Variants in C1orf87 observed in about 807,000 individuals in gnomAD.
C1orf87 encodes chromosome 1 open reading frame 87, also known as uncharacterized protein C1orf87.
Under a neutral mutation model 60.5 loss-of-function variants are expected in C1orf87, and 58 were observed. That is an observed-to-expected ratio of 0.96 (90% CI 0.78 to 1.19). C1orf87 has a LOEUF of 1.19. Ranked by LOEUF, C1orf87 falls within the 50% of genes most tolerant of loss-of-function variation. The pLI is 0.00. For missense variants in C1orf87, 673 were observed against 638.6 expected (o/e 1.05, Z -0.58); for synonymous variants, 236 against 227.4 (o/e 1.04, Z -0.34).
At chr1:60,025,742 A>G (rs888113802) in intron 7 of C1orf87, among the ~76,000 whole-genome samples, 2 of 152,174 alleles carry the variant, frequency 1.3e-5, no homozygotes, top group Non-Finnish European at 2.9e-5. Flanking sequence ...ATATTTCATT[A>G]CTCAGAAGTC....
rs759924782 is a variant in C1orf87, at chr1:60,003,447, T to A, written c.1193-2291A>T. Among the ~76,000 whole-genome samples the A allele has an allele frequency of 7.2e-5, 11 of 152,104 alleles. No individual in the cohort carries two copies. In the East Asian group the frequency reaches 1.4e-3, roughly 19 times the overall value. ...GTAACTAACCTGCACAATGTGCACA[T>A]GTACCCTAAAACTTAAAAGTATAAT... On this transcript the variant is annotated intron_variant, in intron 9 of 11. Transcript: ENST00000371201.
rs1261317422 is a variant in C1orf87, at chr1:60,055,401, T to C, written c.145A>G (p.Met49Val). 1.2e-6 allele frequency: 2 copies of C among 1,614,058 alleles called. No individual in the cohort carries two copies. Among genetic ancestry groups the C allele is most frequent in the African/African-American group, 2.7e-5 (2 of 74,940 alleles). The stretch of plus-strand genomic sequence containing the variant: ...TTATCAGTCATTGGTTTCTGGTGCA[T>C]TGTTTGGGTTTCTGTTTTCAAGCTG... ...NDSLKTETQT[M>V]HQKPMTDNAR... Residue 49 changes from methionine to valine, a missense_variant, in exon 3 of 12, where the codon ATG becomes GTG. Met to Val is a conservative substitution (Grantham distance 21). Transcript: ENST00000371201.
chr1:60,036,234 G>T (rs1022460700), intron 6 of C1orf87, among the ~76,000 whole-genome samples: 1 of 152,140 alleles, frequency 6.6e-6, no homozygotes, highest in Non-Finnish European at 1.5e-5. Flanking sequence ...GCCCAGCAAA[G>T]TAAGCCTGAC....
At chr1:60,042,290 A>G (rs1269491360) in intron 3 of C1orf87, among the ~76,000 whole-genome samples, 1 of 152,074 alleles carries the variant, frequency 6.6e-6, no homozygotes, top group Non-Finnish European at 1.5e-5. Context: ...GCTGGAGTGC[A>G]GTGGCAAGAT....
chr1:60,038,906 G>A (rs1186508037), intron 5 of C1orf87, among the ~76,000 whole-genome samples: 1 of 152,120 alleles, frequency 6.6e-6, no homozygotes, highest in Non-Finnish European at 1.5e-5. Flanking sequence ...AGTGGGAGAG[G>A]GAAGCTAGAT....
intron 8 of C1orf87, among the ~76,000 whole-genome samples, chr1:60,019,069 A>T (rs1645143636): frequency 6.6e-6 from 1 of 152,210 alleles, no homozygotes; most frequent in East Asian, 1.9e-4. Context: ...CTGTGTACCT[A>T]TCATGTGCCA....
intron 2 of C1orf87, among the ~76,000 whole-genome samples, chr1:60,067,798 A>G (rs1645558385): frequency 2.6e-5 from 4 of 152,000 alleles, no homozygotes; most frequent in Admixed American, 1.3e-4. Flanking sequence ...GTCTTTGCCT[A>G]TGCCTCTGTT....
intron 8 of C1orf87, among the ~76,000 whole-genome samples, chr1:60,011,802 A>T (rs1469126241): frequency 1.8e-4 from 27 of 152,126 alleles, no homozygotes; most frequent in Admixed American, 1.8e-3. Context: ...TTTCCTATAT[A>T]TGACATAACA....
intron 8 of C1orf87, among the ~76,000 whole-genome samples, chr1:60,023,251 A>T (rs1201360239): frequency 6.6e-6 from 1 of 152,034 alleles, no homozygotes; most frequent in Non-Finnish European, 1.5e-5. Flanking sequence ...ATTTGAAAAA[A>T]ATGGCAGCTA....
chr1:60,055,495 G>T (rs377646445), intron 2 of C1orf87, 57 bp from the exon 3 acceptor site: 23 of 1,460,818 alleles, frequency 1.6e-5, no homozygotes, highest in Non-Finnish European at 2.1e-5. Flanking sequence ...CATACACTAG[G>T]CTGGCATAAG....
At chr1:59,995,157 G>T (rs1644954687) in intron 11 of C1orf87, among the ~76,000 whole-genome samples, 1 of 152,066 alleles carries the variant, frequency 6.6e-6, no homozygotes, top group African/African-American at 2.4e-5. Flanking sequence ...AAATCTCCCA[G>T]TCTTTGGAGA....
At chr1:60,012,069 A>G (rs1050221659) in intron 8 of C1orf87, among the ~76,000 whole-genome samples, 1 of 151,970 alleles carries the variant, frequency 6.6e-6, no homozygotes, top group Non-Finnish European at 1.5e-5. Flanking sequence ...CAGATCTGCA[A>G]ATAAACTACA....
intron 3 of C1orf87, among the ~76,000 whole-genome samples, chr1:60,045,857 C>T (rs1271772188): frequency 6.6e-6 from 1 of 152,096 alleles, no homozygotes; most frequent in African/African-American, 2.4e-5. Flanking sequence ...AGAACCACTG[C>T]CCCAAGAATG....
chr1:59,999,021 T>C (rs545501188), intron 10 of C1orf87, among the ~76,000 whole-genome samples: 1 of 152,306 alleles, frequency 6.6e-6, no homozygotes, highest in South Asian at 2.1e-4. Context: ...CTAACTTTTG[T>C]ATACCATCTG....
intron 7 of C1orf87, among the ~76,000 whole-genome samples, chr1:60,031,032 A>C (rs1645234327): frequency 6.6e-6 from 1 of 151,926 alleles, no homozygotes; most frequent in South Asian, 2.1e-4. Flanking sequence ...TTTTTTTTTT[A>C]ATCTTTCTGG....
At chr1:60,048,614 C>T (rs904419921) in intron 3 of C1orf87, among the ~76,000 whole-genome samples, 11 of 152,046 alleles carry the variant, frequency 7.2e-5, no homozygotes, top group South Asian at 2.1e-4. Flanking sequence ...AAAACATTTG[C>T]GTGGTTGCAA....
At chr1:60,013,866 G>T (rs1264722047) in intron 8 of C1orf87, among the ~76,000 whole-genome samples, 1 of 151,984 alleles carries the variant, frequency 6.6e-6, no homozygotes, top group East Asian at 1.9e-4. Flanking sequence ...GGTGCACCTT[G>T]GTAGGGCAGA....
At chr1:60,008,611 C>A in intron 9 of C1orf87, 1 of 428,858 alleles carries the variant, frequency 2.3e-6, no homozygotes, top group South Asian at 1.7e-5. Flanking sequence ...TGCACACACA[C>A]AGAGGAAAGC....
chr1:59,994,177 T>G (rs997444189), intron 11 of C1orf87, among the ~76,000 whole-genome samples: 54 of 152,170 alleles, frequency 3.5e-4, no homozygotes, highest in African/African-American at 1.3e-3. Context: ...AGTTTTACTT[T>G]GTAGATGAGG....
Sources: gnomAD v4.1 joint callset for allele counts (sites outside exome capture counted in the v4.1 genomes callset) on GRCh38, gnomAD v4.1.1 for gene constraint, MANE v1.5 for transcripts, NCBI Gene and HGNC (gene_info 2026-07-23, HGNC 2026-07-21) for gene names.